The following MYO3B variants were observed in gnomAD, a reference collection of about 807,000 sequenced individuals.
MYO3B encodes myosin IIIB.
In MYO3B, 156 loss-of-function variants were observed where a neutral mutation model predicts 174.6. That is an observed-to-expected ratio of 0.89 (90% CI 0.78 to 1.02). MYO3B has a LOEUF of 1.02. Ranked by LOEUF, MYO3B falls within the 50% of genes least tolerant of loss-of-function variation. The probability of loss-of-function intolerance (pLI) is 0.00; values close to 1 mark genes in which losing one functional copy is unlikely to be tolerated. For synonymous variants in MYO3B, 563 were observed against 569.1 expected (o/e 0.99, Z 0.15); for missense variants, 1,632 against 1,639.4 (o/e 1.00, Z 0.08).
chr2:170,382,883 T>G lies in MYO3B; in HGVS notation c.1069-190T>G, dbSNP rs905061368. On this transcript the variant is annotated intron_variant, in intron 10 of 34. Transcript: ENST00000408978. ...CTAATTCTTTCAGTGTATTCCTATT[T>G]TTTCTTTCAAGGCAAATATTGGCAT... The G allele has an allele frequency of 6.2e-4, 301 of 488,006 alleles. 1 individual carries two copies. Among genetic ancestry groups the G allele is most frequent in the Middle Eastern group, 1.6e-3 (3 of 1,844 alleles). 30.2% of individuals were successfully genotyped at this position (488,006 alleles called of 1,614,324 possible).
At position 170,200,076 on chromosome 2, in the gene MYO3B, G is replaced by A; in HGVS notation, c.187-74G>A. On this transcript the variant is annotated intron_variant, in intron 2 of 34. Coordinates refer to ENST00000408978, the MANE Select transcript of MYO3B (RefSeq NM_138995.5). Reference sequence around the variant, plus strand: ...AGTACATATGTTTTACTAAGTACTTGAGCATGATGTCATATCTGTACCCTT... The same window carrying A: ...AGTACATATGTTTTACTAAGTACTTAAGCATGATGTCATATCTGTACCCTT... The A allele has an allele frequency of 6.3e-6, 9 of 1,429,774 alleles. No individual in the cohort carries two copies. The South Asian group carries it at 1.2e-4, about 19-fold the overall frequency. The allele number at this position is 1,429,774 out of a possible 1,614,324, so 88.6% of individuals were successfully genotyped here. A position where few individuals can be genotyped will look rare whatever the true frequency, so the allele number is the denominator to read the frequency against.
At chr2:170,641,213 C>T (rs770581162) in intron 32 of MYO3B, 1 of 152,128 alleles carries the variant, frequency 6.6e-6, no homozygotes, top group Non-Finnish European at 1.5e-5. Flanking sequence ...GAACATTCAG[C>T]CTTTTCAAAT....
rs1282133200 is a variant in MYO3B at position 170,199,342 on chromosome 2, A to G, written c.137A>G (p.Asn46Ser). 6.2e-7 allele frequency: 1 copy of G among 1,613,200 alleles called. No individual in the cohort carries two copies. Among genetic ancestry groups the G allele is most frequent in the Non-Finnish European group, 8.5e-7 (1 of 1,179,616 alleles). The change falls in exon 2 of 35, where the codon AAC (asparagine) becomes AGC (serine). Residue 46 changes from asparagine (N) to serine (S), a missense_variant. By Grantham distance (46) the Asn-to-Ser change is conservative. Coordinates refer to ENST00000408978, the MANE Select transcript of MYO3B (RefSeq NM_138995.5). ...TATGGCAAAGTCTACAAGGTAACTA[A>G]CAAGAGAGATGGGAGCCTGGCTGCA... ...GTYGKVYKVT[N>S]KRDGSLAAVK...
chr2:170,382,084 ATT>A lies in MYO3B; in HGVS notation c.1042_1043del (p.Leu348GlyfsTer8). The A allele has an allele frequency of 1.2e-6, 2 of 1,613,544 alleles. No individual in the cohort carries two copies. The highest frequency in any genetic ancestry group is 8.5e-7 in the Non-Finnish European group (1 of 1,179,600). ...GCTGAAAAATACTGCCTTGAGGATGATTTGGTCAACCTAGAGGTTCTGGATGA... is the reference window on the plus strand; with the variant it reads ...GCTGAAAAATACTGCCTTGAGGATGATGGTCAACCTAGAGGTTCTGGATGA... On this transcript the variant is annotated frameshift_variant, in exon 10 of 35. Transcript: ENST00000408978. LOFTEE classifies it high-confidence loss of function.
intron 1 of MYO3B, chr2:170,180,001 A>G (rs1160549940): frequency 5.1e-6 from 1 of 197,234 alleles, no homozygotes; most frequent in African/African-American, 2.3e-5. Context: ...TATATACCAT[A>G]CTATAACATC....
chr2:170,624,927 T>C (rs1443143841), intron 32 of MYO3B, among the ~76,000 whole-genome samples: 1 of 152,212 alleles, frequency 6.6e-6, no homozygotes, highest in Non-Finnish European at 1.5e-5. Context: ...CACTTGATCA[T>C]GGTGGATAAG....
intron 30 of MYO3B, among the ~76,000 whole-genome samples, chr2:170,528,266 A>G (rs1052528269): frequency 1.3e-5 from 2 of 152,184 alleles, no homozygotes; most frequent in African/African-American, 4.8e-5. Context: ...GTAGCTGCCT[A>G]TGGTTAATAT....
intron 32 of MYO3B, among the ~76,000 whole-genome samples, chr2:170,594,262 C>T (rs1694000385): frequency 6.6e-6 from 1 of 151,964 alleles, no homozygotes; most frequent in African/African-American, 2.4e-5. Flanking sequence ...TCATTTCTAC[C>T]ACCACCGCCA....
Position 170,652,165 on chromosome 2 carries a change from GTCT to G in MYO3B, c.3887+16_3887+18del, listed in dbSNP as rs760187614. ...GCCAAGAAAACTTGGGTAAATATCT[GTCT>G]TCTTAGTTCTAAGCAACTGTAAACA... On this transcript the variant is annotated intron_variant, in intron 34 of 34. Transcript: ENST00000408978. The G allele has an allele frequency of 4.3e-6, 7 of 1,613,282 alleles. No homozygotes were observed. The East Asian group carries it at 1.3e-4, about 31-fold the overall frequency.
chr2:170,373,604 G>A (rs1024209163), intron 9 of MYO3B, among the ~76,000 whole-genome samples: 14 of 152,098 alleles, frequency 9.2e-5, no homozygotes, highest in African/African-American at 3.4e-4. Flanking sequence ...GGGAACACTT[G>A]GACAGGTAAA....
intron 32 of MYO3B, among the ~76,000 whole-genome samples, chr2:170,592,962 A>G (rs1428367709): frequency 6.6e-6 from 1 of 152,134 alleles, no homozygotes; most frequent in Non-Finnish European, 1.5e-5. Context: ...ATATATATCT[A>G]TAGATAGAGA....
chr2:170,525,386 T>C (rs1254702793), intron 30 of MYO3B, among the ~76,000 whole-genome samples: 2 of 152,238 alleles, frequency 1.3e-5, no homozygotes, highest in African/African-American at 2.4e-5. Context: ...TTAATGCTGA[T>C]AAATACAATG....
At chr2:170,635,478 G>T (rs372713324) in intron 32 of MYO3B, among the ~76,000 whole-genome samples, 14 of 152,146 alleles carry the variant, frequency 9.2e-5, no homozygotes, top group Admixed American at 5.2e-4. Flanking sequence ...TGGGGGGAGC[G>T]GGGGAGGGAT....
intron 32 of MYO3B, among the ~76,000 whole-genome samples, chr2:170,623,434 T>G (rs960552689): frequency 1.3e-4 from 20 of 152,252 alleles, no homozygotes; most frequent in Non-Finnish European, 2.2e-4. Context: ...GATTTTTTCT[T>G]GTAAATTTGT....
chr2:170,296,476 A>G (rs1574736985), intron 7 of MYO3B, among the ~76,000 whole-genome samples: 1 of 152,218 alleles, frequency 6.6e-6, no homozygotes, highest in African/African-American at 2.4e-5. Context: ...ATGTCAATTC[A>G]GTCAATAGAA....
chr2:170,484,425 T>G (rs1406329765), intron 25 of MYO3B, among the ~76,000 whole-genome samples: 2 of 152,230 alleles, frequency 1.3e-5, no homozygotes, highest in Non-Finnish European at 2.9e-5. Context: ...TTGTAAATAA[T>G]CAGTTTAAAC....
intron 6 of MYO3B, among the ~76,000 whole-genome samples, chr2:170,233,952 A>G (rs966470419): frequency 9.9e-5 from 15 of 152,026 alleles, no homozygotes; most frequent in Non-Finnish European, 1.8e-4. Flanking sequence ...CGGGTGGATC[A>G]CGAGGTCAGG....
intron 31 of MYO3B, among the ~76,000 whole-genome samples, chr2:170,543,293 C>G (rs1470626770): frequency 6.6e-6 from 1 of 152,156 alleles, no homozygotes; most frequent in East Asian, 1.9e-4. Flanking sequence ...ACCCGAGGTT[C>G]TTTGGTAGCA....
At chr2:170,552,767 T>C (rs370409918) in intron 32 of MYO3B, among the ~76,000 whole-genome samples, 1 of 152,252 alleles carries the variant, frequency 6.6e-6, no homozygotes, top group African/African-American at 2.4e-5. Flanking sequence ...CCGGGGCATT[T>C]CAGAGACCTT....
Sources: gnomAD v4.1 joint callset for allele counts (sites outside exome capture counted in the v4.1 genomes callset) on GRCh38, gnomAD v4.1.1 for gene constraint, MANE v1.5 for transcripts, NCBI Gene and HGNC (gene_info 2026-07-23, HGNC 2026-07-21) for gene names.